Variants in PCDHA10 observed in about 807,000 individuals in gnomAD.
The protein encoded by PCDHA10 is protocadherin alpha-10.
PCDHA10 carries 45 observed loss-of-function variants against 61.2 expected under a neutral mutation model. That is an observed-to-expected ratio of 0.74 (90% CI 0.58 to 0.94). The LOEUF (loss-of-function observed/expected upper bound fraction) is 0.94, where lower values mean the gene tolerates loss of function less well. PCDHA10 is among the 40% of genes least tolerant of loss of function. The probability of loss-of-function intolerance (pLI) is 0.00; values close to 1 mark genes in which losing one functional copy is unlikely to be tolerated. For synonymous variants in PCDHA10, 602 were observed against 548.8 expected (o/e 1.10, Z -1.35); for missense variants, 1,278 against 1,236.2 (o/e 1.03, Z -0.51).
At chr5:140,927,981 T>C (rs2084836319) in intron 1 of PCDHA10, 2 of 1,614,206 alleles carry the variant, frequency 1.2e-6, no homozygotes, top group Non-Finnish European at 1.7e-6. Flanking sequence ...CTCTCTTTAG[T>C]GTAAAGGATG....
chr5:140,898,079 C>G (rs1179252797), intron 1 of PCDHA10, among the ~76,000 whole-genome samples: 2 of 151,984 alleles, frequency 1.3e-5, no homozygotes, highest in East Asian at 1.9e-4. Context: ...ATTGTAGATT[C>G]TGGATATTAG....
intron 1 of PCDHA10, chr5:140,967,032 A>T: frequency 6.2e-7 from 1 of 1,610,180 alleles, no homozygotes; most frequent in Non-Finnish European, 8.5e-7. Flanking sequence ...AGTCCGCGCT[A>T]CCTGGAGCTG....
Position 140,944,942 on chromosome 5 carries a change from T to C in PCDHA10, c.2389-34007T>C, listed in dbSNP as rs564740183. Among the ~76,000 whole-genome samples the C allele has an allele frequency of 2.0e-4, 31 of 152,326 alleles. No individual in the cohort carries two copies. The South Asian group carries it at 3.7e-3, about 18-fold the overall frequency. On this transcript the variant is annotated intron_variant, in intron 1 of 3. Coordinates refer to ENST00000307360, the MANE Select transcript of PCDHA10 (RefSeq NM_018901.4). ...ATTGGTTTATGCCTTCTTTAGATGATTGTGAATAAGAGTATTATCTTAACC... is the reference window on the plus strand; with the variant it reads ...ATTGGTTTATGCCTTCTTTAGATGACTGTGAATAAGAGTATTATCTTAACC...
At position 140,857,377 on chromosome 5, in the gene PCDHA10, G is replaced by A. The variant is rs1347476888; in HGVS notation, c.1329G>A (p.Glu443=). 1 of 1,598,358 alleles carries A rather than the reference G, an allele frequency of 6.3e-7. No homozygotes were observed. Among genetic ancestry groups the A allele is most frequent in the African/African-American group, 1.3e-5 (1 of 74,358 alleles). Residue 443 remains glutamate (E), a synonymous_variant, in exon 1 of 4, where the codon GAG becomes GAA. Transcript: ENST00000307360. ...PLWATASVSV[E]VADVNDNAPA... ...GGGCCACGGCCAGCGTGTCTGTGGA[G>A]GTGGCCGACGTGAACGACAACGCGC...
At chr5:140,909,043 C>T (rs2074280472) in intron 1 of PCDHA10, among the ~76,000 whole-genome samples, 1 of 152,188 alleles carries the variant, frequency 6.6e-6, no homozygotes, top group Non-Finnish European at 1.5e-5. Flanking sequence ...TTTCCATACT[C>T]TGGCATGCAA....
At chr5:140,992,914 C>T (rs1383362253) in intron 3 of PCDHA10, among the ~76,000 whole-genome samples, 1 of 152,220 alleles carries the variant, frequency 6.6e-6, no homozygotes, top group African/African-American at 2.4e-5. Context: ...CTTAGGCCCT[C>T]TCCATACTTA....
chr5:140,857,855 A>T lies in PCDHA10; in HGVS notation c.1807A>T (p.Asn603Tyr). 6.3e-7 allele frequency: 1 copy of T among 1,597,468 alleles called. No homozygotes were observed. The highest frequency in any genetic ancestry group is 8.6e-7 in the Non-Finnish European group (1 of 1,167,458). Residue 603 changes from asparagine to tyrosine, a missense_variant, in exon 1 of 4, where the codon AAC (asparagine) becomes TAC (tyrosine). Coordinates refer to ENST00000307360, the MANE Select transcript of PCDHA10 (RefSeq NM_018901.4). ...CGCAGTGGACGCTGACTCTGGATAC[A>T]ACGCGTGGCTGTCGTATGAATTGCA... The part of the protein sequence containing the change: ...VRAVDADSGY[N>Y]AWLSYELQSA...
At chr5:140,894,947 A>G (rs1257936552) in intron 1 of PCDHA10, among the ~76,000 whole-genome samples, 1 of 152,178 alleles carries the variant, frequency 6.6e-6, no homozygotes, top group Non-Finnish European at 1.5e-5. Flanking sequence ...TTGTCATGAA[A>G]TGATAAAAAT....
At chr5:140,956,650 GATGCTGGCCTTA>G (rs2095299191) in intron 1 of PCDHA10, among the ~76,000 whole-genome samples, 1 of 152,154 alleles carries the variant, frequency 6.6e-6, no homozygotes, top group Non-Finnish European at 1.5e-5. Context: ...GTATCAGGAT[GATGCTGGCCTTA>G]AAGGAGTTAG....
intron 1 of PCDHA10, among the ~76,000 whole-genome samples, chr5:140,915,667 G>A (rs2077246554): frequency 1.3e-5 from 2 of 149,888 alleles, no homozygotes; most frequent in Admixed American, 1.3e-4. Flanking sequence ...AAGGTGCTGG[G>A]CCATCTTGAA....
At chr5:140,940,547 C>G (rs1256617271) in intron 1 of PCDHA10, among the ~76,000 whole-genome samples, 1 of 152,018 alleles carries the variant, frequency 6.6e-6, no homozygotes, top group Admixed American at 6.6e-5. Flanking sequence ...TTCCTGGGCT[C>G]AAGTGATTCT....
At position 140,960,349 on chromosome 5, in the gene PCDHA10, A is replaced by T. The variant is rs936485666; in HGVS notation, c.2389-18600A>T. Among the ~76,000 whole-genome samples, 8 of 152,238 alleles carry T rather than the reference A, an allele frequency of 5.3e-5. No homozygotes were observed. The East Asian group carries it at 1.3e-3, about 26-fold the overall frequency. ...GAGAAGTACATGAGGTGAGATATGTACTGAAATAATATGCCAACTCTTAAG... is the reference window on the plus strand; with the variant it reads ...GAGAAGTACATGAGGTGAGATATGTTCTGAAATAATATGCCAACTCTTAAG... On this transcript the variant is annotated intron_variant, in intron 1 of 3. Coordinates refer to ENST00000307360, the MANE Select transcript of PCDHA10 (RefSeq NM_018901.4).
At chr5:141,008,723 C>G (rs1480694972) in intron 3 of PCDHA10, among the ~76,000 whole-genome samples, 1 of 152,110 alleles carries the variant, frequency 6.6e-6, no homozygotes, top group Non-Finnish European at 1.5e-5. Flanking sequence ...GAGTGTATGT[C>G]CAACTAGACT....
intron 1 of PCDHA10, among the ~76,000 whole-genome samples, chr5:140,906,323 A>G (rs1487570044): frequency 1.3e-5 from 2 of 152,212 alleles, no homozygotes; most frequent in Non-Finnish European, 2.9e-5. Context: ...AACATGATAC[A>G]ACTATCCTTC....
At chr5:140,998,156 C>T (rs782675490) in intron 3 of PCDHA10, among the ~76,000 whole-genome samples, 3 of 152,178 alleles carry the variant, frequency 2.0e-5, no homozygotes, top group Non-Finnish European at 4.4e-5. Context: ...ACAGTTAAGC[C>T]ATGTGCCAAG....
At chr5:140,995,132 A>G (rs2097665905) in intron 3 of PCDHA10, among the ~76,000 whole-genome samples, 1 of 152,222 alleles carries the variant, frequency 6.6e-6, no homozygotes, top group African/African-American at 2.4e-5. Flanking sequence ...CTGAAACCTC[A>G]TTTAGTACTG....
At chr5:140,971,968 A>G (rs1049886222) in intron 1 of PCDHA10, among the ~76,000 whole-genome samples, 3 of 152,124 alleles carry the variant, frequency 2.0e-5, no homozygotes, top group Non-Finnish European at 4.4e-5. Flanking sequence ...CTTTTTTTCA[A>G]TACTATGAGT....
At chr5:140,871,249 C>T (rs782675743) in intron 1 of PCDHA10, 1 of 1,613,984 alleles carries the variant, frequency 6.2e-7, no homozygotes, top group Non-Finnish European at 8.5e-7. Context: ...CACGCTGCTG[C>T]TGTATACGGC....
chr5:140,909,585 T>C (rs1554193854), intron 1 of PCDHA10, among the ~76,000 whole-genome samples: 1 of 152,180 alleles, frequency 6.6e-6, no homozygotes, highest in Non-Finnish European at 1.5e-5. Context: ...GATATGTTTT[T>C]TGATTTACTA....
Sources: allele counts gnomAD v4.1 joint callset (sites outside exome capture counted in the v4.1 genomes callset), GRCh38; gene constraint gnomAD v4.1.1; transcripts MANE v1.5; gene names NCBI Gene and HGNC (gene_info 2026-07-23, HGNC 2026-07-21).